The following SCLY variants were observed in gnomAD, a reference collection of about 807,000 sequenced individuals.
The protein encoded by SCLY is putative selenocysteine lyase.
SCLY carries 38 observed loss-of-function variants against 50.1 expected under a neutral mutation model. That is an observed-to-expected ratio of 0.76 (90% CI 0.59 to 0.99). The LOEUF is 0.99. Ranked by LOEUF, SCLY falls within the 50% of genes least tolerant of loss-of-function variation. SCLY has a pLI of 0.00. For missense variants in SCLY, 600 were observed against 620.0 expected, an observed-to-expected ratio of 0.97 and a Z score of 0.34; for synonymous variants, 243 against 249.4, an observed-to-expected ratio of 0.97 and a Z score of 0.24.
intron 8 of SCLY, chr2:238,091,528 A>AT: frequency 2.1e-6 from 1 of 466,970 alleles, no homozygotes; most frequent in Non-Finnish European, 3.9e-6. Context: ...AGCAGAGGTG[A>AT]AGTGTCAAGC....
chr2:238,088,645 C>G (rs2065327016), intron 7 of SCLY, among the ~76,000 whole-genome samples: 1 of 152,120 alleles, frequency 6.6e-6, no homozygotes, highest in Non-Finnish European at 1.5e-5. Flanking sequence ...TGTAATCTAC[C>G]ATATTAACAA....
intron 9 of SCLY, 49 bp from the exon 10 acceptor site, chr2:238,094,371 T>A: frequency 7.0e-7 from 1 of 1,435,522 alleles, no homozygotes; most frequent in East Asian, 2.3e-5. Context: ...CAGTTGCTGG[T>A]GGTGGTGTCT....
chr2:238,062,246 C>T (rs2065025214), intron 1 of SCLY, among the ~76,000 whole-genome samples: 1 of 151,980 alleles, frequency 6.6e-6, no homozygotes, highest in Non-Finnish European at 1.5e-5. Flanking sequence ...CACTAGCTAG[C>T]CTAAGGTACT....
chr2:238,094,514 G>C lies in SCLY; in HGVS notation c.1100G>C (p.Arg367Pro). The C allele has an allele frequency of 6.2e-7, 1 of 1,613,892 alleles. No individual in the cohort carries two copies. The highest frequency in any genetic ancestry group is 8.5e-7 in the Non-Finnish European group (1 of 1,179,810). ...NTCNFSIRGP[R>P]LQGHVVLAQC... The stretch of plus-strand genomic sequence containing the variant: ...TGTAACTTTTCCATCCGGGGACCCC[G>C]GCTTCAAGGTGATGGCCCCTCACCC... Residue 367 changes from arginine to proline, a missense_variant, in exon 10 of 12, where the codon CGG becomes CCG. Physicochemically the swap from Arg to Pro is moderately radical, Grantham distance 103 (BLOSUM62 -2). Coordinates refer to ENST00000254663, the MANE Select transcript of SCLY (RefSeq NM_016510.7).
At chr2:238,093,741 G>T in intron 8 of SCLY, 120 bp from the exon 9 acceptor site, 1 of 936,860 alleles carries the variant, frequency 1.1e-6, no homozygotes, top group Non-Finnish European at 1.7e-6. Context: ...AATATGGTCT[G>T]TCTGTGACTG....
chr2:238,082,272 C>T, intron 6 of SCLY, 63 bp downstream of exon 6: 2 of 1,480,794 alleles, frequency 1.4e-6, no homozygotes, highest in Non-Finnish European at 1.8e-6. Context: ...GCTGTTTACT[C>T]CTCGGTCCGT....
chr2:238,096,556 G>A (rs867873047), intron 10 of SCLY, among the ~76,000 whole-genome samples: 13 of 152,358 alleles, frequency 8.5e-5, no homozygotes, highest in Middle Eastern at 3.4e-3. Flanking sequence ...TTACAAATGC[G>A]ATTTTCAAGG....
intron 4 of SCLY, chr2:238,081,470 C>A: frequency 2.1e-6 from 1 of 478,978 alleles, no homozygotes; most frequent in Non-Finnish European, 3.7e-6. Context: ...GAAAGGCACA[C>A]AGCTTCCACG....
chr2:238,071,830 C>A (rs1394465023), intron 4 of SCLY, among the ~76,000 whole-genome samples: 1 of 152,178 alleles, frequency 6.6e-6, no homozygotes, highest in African/African-American at 2.4e-5. Context: ...GCCTTCCTCG[C>A]ACTCCCTCTG....
Position 238,069,176 on chromosome 2 carries a change from T to G in SCLY, c.304-121T>G. 6 of 889,448 alleles carry G rather than the reference T, an allele frequency of 6.7e-6. No homozygotes were observed. Among genetic ancestry groups the G allele is most frequent in the Middle Eastern group, 5.7e-4 (2 of 3,530 alleles). 55.1% of individuals were successfully genotyped at this position (889,448 alleles called of 1,614,324 possible). A position where few individuals can be genotyped will look rare whatever the true frequency, so the allele number is the denominator to read the frequency against. The stretch of plus-strand genomic sequence containing the variant: ...CTTTCAAAAGGTCCCACTCAGGAAG[T>G]TGAATTTCTTTGAAGCTTTTTTGAT... On this transcript the variant is annotated intron_variant, in intron 3 of 11. Transcript: ENST00000254663. This position sits in a 1 kb window ranked among gnomAD's most constrained non-coding sequence, Gnocchi z 5.0.
Position 238,072,790 on chromosome 2 carries a change from AGATAGAT to A in SCLY, c.484+3317_484+3323del, listed in dbSNP as rs1390491845. ...ATATGCTTGATACAAGTCCCTTGTC[AGATAGAT>A]GATTTGTAAATATTTTCTCTCATTC... is the stretch of plus-strand genomic sequence containing the variant. On this transcript the variant is annotated intron_variant, in intron 4 of 11. Transcript: ENST00000254663. Among the ~76,000 whole-genome samples, 3 of 152,198 alleles carry A rather than the reference AGATAGAT, an allele frequency of 2.0e-5. No individual in the cohort carries two copies. The East Asian group carries it at 5.8e-4, about 29-fold the overall frequency.
chr2:238,091,550 C>CGAT, intron 8 of SCLY: 3 of 408,654 alleles, frequency 7.3e-6, no homozygotes, highest in South Asian at 5.1e-5. Flanking sequence ...GCAGGTTCAC[C>CGAT]ATTCCCAAAG....
chr2:238,077,713 A>G (rs527999222), intron 4 of SCLY, among the ~76,000 whole-genome samples: 4 of 152,260 alleles, frequency 2.6e-5, no homozygotes, highest in Non-Finnish European at 5.9e-5. Flanking sequence ...TTCTCTGGAC[A>G]GAGACTTTCC....
chr2:238,064,333 G>A, intron 1 of SCLY, 24 bp from the exon 2 acceptor site: 2 of 1,487,730 alleles, frequency 1.3e-6, no homozygotes, highest in Non-Finnish European at 1.8e-6. Flanking sequence ...TCCTTAATGG[G>A]TGTCTTTGCT....
At chr2:238,074,278 C>T (rs190097503) in intron 4 of SCLY, among the ~76,000 whole-genome samples, 22 of 151,676 alleles carry the variant, frequency 1.5e-4, no homozygotes, top group African/African-American at 5.3e-4. Flanking sequence ...CACACTCCAG[C>T]CTGAGCAACA....
chr2:238,098,109 G>A, intron 11 of SCLY, 93 bp from the exon 12 acceptor site: 3 of 1,452,034 alleles, frequency 2.1e-6, no homozygotes, highest in South Asian at 2.6e-5. Flanking sequence ...CGGGTGGGCA[G>A]AGCCCCACTA....
In SCLY at chr2:238,093,754, A is replaced by G. The variant is rs1021983596; in HGVS notation, c.922-107A>G. On this transcript the variant is annotated intron_variant, in intron 8 of 11. Transcript: ENST00000254663. ...AAAATATGGTCTGTCTGTGACTGTC[A>G]GGAGAATGAGCAGTTTCAGGAAATG... is the stretch of plus-strand genomic sequence containing the variant. The G allele has an allele frequency of 3.9e-6, 4 of 1,022,408 alleles. No homozygotes were observed. In the African/African-American group the frequency reaches 6.4e-5, roughly 16 times the overall value. The allele number at this position is 1,022,408 out of a possible 1,614,324, so 63.3% of individuals were successfully genotyped here. A position where few individuals can be genotyped will look rare whatever the true frequency, so the allele number is the denominator to read the frequency against.
intron 6 of SCLY, among the ~76,000 whole-genome samples, chr2:238,082,559 G>A (rs555731120): frequency 1.3e-5 from 2 of 152,358 alleles, no homozygotes; most frequent in South Asian, 2.1e-4. Flanking sequence ...ATCTGCAGAG[G>A]GTGTGGGGTG....
chr2:238,091,534 C>G, intron 8 of SCLY: 3 of 450,866 alleles, frequency 6.7e-6, no homozygotes, highest in Non-Finnish European at 1.2e-5. Context: ...GGTGAAGTGT[C>G]AAGCTGCAGG....
Sources: gnomAD v4.1 joint callset for allele counts (sites outside exome capture counted in the v4.1 genomes callset) on GRCh38, gnomAD v4.1.1 for gene constraint, Gnocchi (gnomAD v3.1) non-coding constraint, MANE v1.5 for transcripts, NCBI Gene and HGNC (gene_info 2026-07-23, HGNC 2026-07-21) for gene names.